The following BCKDHB variants were observed in gnomAD, a reference collection of about 807,000 sequenced individuals.
BCKDHB encodes the protein 2-oxoisovalerate dehydrogenase subunit beta, mitochondrial.
In BCKDHB, 41 loss-of-function variants were observed where a neutral mutation model predicts 48.5. The observed-to-expected ratio is 0.85, with a 90% CI of 0.66 to 1.10. The LOEUF (loss-of-function observed/expected upper bound fraction) is 1.10. BCKDHB is among the 50% of genes least tolerant of loss of function. The probability of loss-of-function intolerance (pLI) is 0.00; values close to 1 mark genes in which losing one functional copy is unlikely to be tolerated. For synonymous variants in BCKDHB, 201 were observed against 174.8 expected (o/e 1.15, Z -1.18); for missense variants, 496 against 494.2 (o/e 1.00, Z -0.03).
chr6:80,414,831 T>C, the BCKDHB span, among the ~76,000 whole-genome samples: 14 of 152,314 alleles, frequency 9.2e-5, no homozygotes, highest in African/African-American at 3.1e-4. Flanking sequence ...ATTGAACCTT[T>C]AAATTGCTTT....
intron 6 of BCKDHB, among the ~76,000 whole-genome samples, chr6:80,175,092 C>A (rs143334310): frequency 6.6e-6 from 1 of 152,176 alleles, no homozygotes; most frequent in Middle Eastern, 3.4e-3. Context: ...ATCAAGGTAC[C>A]GGGCCTCTTC....
chr6:80,423,020 C>T, the BCKDHB span, among the ~76,000 whole-genome samples: 1 of 152,142 alleles, frequency 6.6e-6, no homozygotes, highest in Admixed American at 6.5e-5. Context: ...TGGTTTGGCT[C>T]TGTGTCCCCA....
chr6:80,221,813 T>A (rs1775465626), intron 8 of BCKDHB, among the ~76,000 whole-genome samples: 1 of 152,234 alleles, frequency 6.6e-6, no homozygotes, highest in Admixed American at 6.5e-5. Flanking sequence ...GCATAATTAG[T>A]GTTTTTGAGT....
At chr6:80,263,751 G>T (rs528020467) in intron 8 of BCKDHB, among the ~76,000 whole-genome samples, 3 of 152,246 alleles carry the variant, frequency 2.0e-5, no homozygotes, top group African/African-American at 7.2e-5. Flanking sequence ...TTGTACCCTT[G>T]ATACGTGCTT....
chr6:80,308,474 A>G (rs992445991), intron 9 of BCKDHB, among the ~76,000 whole-genome samples: 8 of 152,220 alleles, frequency 5.3e-5, no homozygotes, highest in Non-Finnish European at 1.0e-4. Flanking sequence ...ACATACATTA[A>G]GCAAAGTTAC....
chr6:80,234,191 A>G (rs982512559), intron 8 of BCKDHB, among the ~76,000 whole-genome samples: 1 of 152,188 alleles, frequency 6.6e-6, no homozygotes, highest in Non-Finnish European at 1.5e-5. Flanking sequence ...CAGGGCAGGG[A>G]CCATACTGGT....
chr6:80,218,664 C>T (rs938132943), intron 8 of BCKDHB, among the ~76,000 whole-genome samples: 1 of 151,978 alleles, frequency 6.6e-6, no homozygotes, highest in Non-Finnish European at 1.5e-5. Flanking sequence ...TATCTTACTC[C>T]ATTAACTTTG....
At chr6:80,381,434 TA>T in the BCKDHB span, among the ~76,000 whole-genome samples, 1 of 152,124 alleles carries the variant, frequency 6.6e-6, no homozygotes, top group Admixed American at 6.6e-5. Flanking sequence ...AAGAAAATTT[TA>T]CACCTTGCAT....
intron 6 of BCKDHB, among the ~76,000 whole-genome samples, chr6:80,175,768 A>G (rs767801400): frequency 2.6e-5 from 4 of 152,240 alleles, no homozygotes; most frequent in Non-Finnish European, 5.9e-5. Context: ...ATTGGAGACC[A>G]AAACTAGAAG....
intron 8 of BCKDHB, among the ~76,000 whole-genome samples, chr6:80,212,539 A>G (rs1774986493): frequency 6.6e-6 from 1 of 152,158 alleles, no homozygotes; most frequent in South Asian, 2.1e-4. Flanking sequence ...CCCTGATTTC[A>G]TATTGTTCAA....
At chr6:80,169,254 A>G (rs1022294757) in intron 5 of BCKDHB, among the ~76,000 whole-genome samples, 13 of 152,174 alleles carry the variant, frequency 8.5e-5, no homozygotes, top group Admixed American at 3.3e-4. Flanking sequence ...TGGTTTTATA[A>G]ACTCTGGCAT....
chr6:80,192,173 G>A (rs1157129773), intron 6 of BCKDHB, among the ~76,000 whole-genome samples: 1 of 152,068 alleles, frequency 6.6e-6, no homozygotes, highest in African/African-American at 2.4e-5. Context: ...TCTAAAAAGT[G>A]TATCAGTTTA....
At chr6:80,238,776 G>A (rs777428160) in intron 8 of BCKDHB, among the ~76,000 whole-genome samples, 1 of 151,810 alleles carries the variant, frequency 6.6e-6, no homozygotes, top group African/African-American at 2.4e-5. Flanking sequence ...ACAGGCCCCA[G>A]TGTGTGATGT....
chr6:80,201,153 T>C (rs1774376226), intron 7 of BCKDHB, 122 bp downstream of exon 7: 5 of 803,002 alleles, frequency 6.2e-6, no homozygotes, highest in Non-Finnish European at 1.1e-5. Flanking sequence ...AGTCTGGTGC[T>C]ACTGATGCTA....
At chr6:80,313,839 T>C (rs1437142889) in intron 9 of BCKDHB, among the ~76,000 whole-genome samples, 1 of 152,200 alleles carries the variant, frequency 6.6e-6, no homozygotes, top group Admixed American at 6.5e-5. Context: ...GTTCTTTTGA[T>C]GTTCTAGTTC....
chr6:80,297,849 C>T (rs911968737), intron 9 of BCKDHB, among the ~76,000 whole-genome samples: 2 of 152,202 alleles, frequency 1.3e-5, no homozygotes, highest in African/African-American at 4.8e-5. Flanking sequence ...TAATGTGAAG[C>T]AATTTCTGAT....
chr6:80,359,110 C>A, the BCKDHB span, among the ~76,000 whole-genome samples: 5 of 152,284 alleles, frequency 3.3e-5, no homozygotes, highest in African/African-American at 1.2e-4. Flanking sequence ...GGGTCTGAGG[C>A]CTGCACGTGA....
intron 9 of BCKDHB, among the ~76,000 whole-genome samples, chr6:80,292,531 C>T (rs578031941): frequency 1.4e-4 from 21 of 152,238 alleles, no homozygotes; most frequent in Admixed American, 2.6e-4. Flanking sequence ...CCTCCCATGA[C>T]GTGGGAATTA....
chr6:80,148,868 A>G (rs949181149), intron 3 of BCKDHB, among the ~76,000 whole-genome samples: 6 of 152,316 alleles, frequency 3.9e-5, no homozygotes, highest in African/African-American at 1.4e-4. Flanking sequence ...TAAAAACCCT[A>G]GAAGAAAGCC....
Sources: gnomAD v4.1 joint callset for allele counts (sites outside exome capture counted in the v4.1 genomes callset) on GRCh38, gnomAD v4.1.1 for gene constraint, MANE v1.5 for transcripts, NCBI Gene and HGNC (gene_info 2026-07-23, HGNC 2026-07-21) for gene names.